CAMK1D: variants seen among roughly 807,000 people sequenced by gnomAD.
CAMK1D encodes calcium/calmodulin dependent protein kinase ID, also known as calcium/calmodulin-dependent protein kinase type 1D.
CAMK1D carries 9 observed loss-of-function variants against 47.7 expected under a neutral mutation model. The observed-to-expected ratio is 0.19, with a 90% confidence interval of 0.11 to 0.33. The LOEUF (loss-of-function observed/expected upper bound fraction) is 0.33, where lower values mean the gene tolerates loss of function less well. CAMK1D is among the 10% of genes least tolerant of loss of function. The pLI, the probability that CAMK1D is intolerant of heterozygous loss-of-function variation, is 1.00. For missense variants in CAMK1D, 291 were observed against 488.7 expected, an observed-to-expected ratio of 0.60 and a Z score of 3.81; for synonymous variants, 184 against 184.9, an observed-to-expected ratio of 0.99 and a Z score of 0.04.
chr10:12,353,156 G>T (rs1185336389), intron 1 of CAMK1D, among the ~76,000 whole-genome samples: 1 of 152,192 alleles, frequency 6.6e-6, no homozygotes, highest in Non-Finnish European at 1.5e-5. Context: ...CTTCAGTGGG[G>T]ATTTTGAGTC....
intron 1 of CAMK1D, among the ~76,000 whole-genome samples, chr10:12,410,830 T>A (rs187921450): frequency 1.7e-4 from 26 of 152,322 alleles, no homozygotes; most frequent in Middle Eastern, 3.4e-3. Context: ...TGAAAGATAT[T>A]CTTCACTCTG....
chr10:12,790,596 A>G (rs569687844), intron 5 of CAMK1D, among the ~76,000 whole-genome samples: 4 of 134,430 alleles, frequency 3.0e-5, no homozygotes, highest in East Asian at 2.6e-4. Flanking sequence ...GTAATCTCAC[A>G]TCTCACACAC....
intron 7 of CAMK1D, among the ~76,000 whole-genome samples, chr10:12,815,360 G>A (rs1017176100): frequency 3.3e-5 from 5 of 152,218 alleles, no homozygotes; most frequent in African/African-American, 1.2e-4. Flanking sequence ...GGGACAATGC[G>A]TTCTAGTCTC....
At chr10:12,805,391 C>T (rs1191248698) in intron 6 of CAMK1D, among the ~76,000 whole-genome samples, 6 of 115,686 alleles carry the variant, frequency 5.2e-5, no homozygotes, top group Non-Finnish European at 1.1e-4. Flanking sequence ...TTTTTTTAAA[C>T]ACAGAGTTTT....
chr10:12,803,317 A>G (rs966365797), intron 6 of CAMK1D, among the ~76,000 whole-genome samples: 1 of 152,220 alleles, frequency 6.6e-6, no homozygotes, highest in Non-Finnish European at 1.5e-5. Flanking sequence ...CCTGAGGGGC[A>G]AGACCTGGGT....
Position 12,442,308 on chromosome 10 carries a change from C to T in CAMK1D, c.92+92398C>T, listed in dbSNP as rs192360756. Among the ~76,000 whole-genome samples, 251 of 152,256 alleles carry T rather than the reference C, an allele frequency of 1.6e-3. 1 individual carries two copies. The highest frequency in any genetic ancestry group is 5.8e-3 in the African/African-American group (241 of 41,552). On this transcript the variant is annotated intron_variant, in intron 1 of 10. Coordinates refer to ENST00000619168, the MANE Select transcript of CAMK1D (RefSeq NM_153498.4). ...CATCCTGGCTAACATGGTGAAACCT[C>T]GTCTCTACTAAAAATACAAAAAATT... is the stretch of plus-strand genomic sequence containing the variant.
intron 1 of CAMK1D, among the ~76,000 whole-genome samples, chr10:12,459,561 C>A (rs1833363143): frequency 6.6e-6 from 1 of 152,036 alleles, no homozygotes. Context: ...TTCCATATGT[C>A]TTCATGACAG....
chr10:12,611,840 G>A (rs1385740922), intron 2 of CAMK1D, among the ~76,000 whole-genome samples: 10 of 151,998 alleles, frequency 6.6e-5, no homozygotes, highest in Admixed American at 5.2e-4. Flanking sequence ...CGATCTACCC[G>A]CCTCGGCCTC....
At chr10:12,432,831 A>G (rs955137330) in intron 1 of CAMK1D, among the ~76,000 whole-genome samples, 14 of 152,252 alleles carry the variant, frequency 9.2e-5, no homozygotes, top group African/African-American at 3.1e-4. Flanking sequence ...TCTGTGCTGG[A>G]CACTCTCGAA....
At chr10:12,648,196 G>A (rs1336449388) in intron 2 of CAMK1D, among the ~76,000 whole-genome samples, 1 of 152,184 alleles carries the variant, frequency 6.6e-6, no homozygotes, top group Non-Finnish European at 1.5e-5. Context: ...AACCAGCTAA[G>A]AGTTCGTGGG....
At chr10:12,624,352 A>G (rs1839139075) in intron 2 of CAMK1D, among the ~76,000 whole-genome samples, 1 of 152,136 alleles carries the variant, frequency 6.6e-6, no homozygotes, top group African/African-American at 2.4e-5. Context: ...TCTAGAACTT[A>G]TTCATCTCGC....
At chr10:12,534,365 A>T (rs1835903459) in intron 1 of CAMK1D, among the ~76,000 whole-genome samples, 1 of 152,082 alleles carries the variant, frequency 6.6e-6, no homozygotes, top group Non-Finnish European at 1.5e-5. Context: ...ACCCACCACC[A>T]GACCCAGCTA....
chr10:12,433,926 G>A (rs2131996014), intron 1 of CAMK1D, among the ~76,000 whole-genome samples: 1 of 152,276 alleles, frequency 6.6e-6, no homozygotes. Context: ...GGATTTAGTT[G>A]CATCTACAAG....
At chr10:12,731,370 C>T (rs537321649) in intron 3 of CAMK1D, among the ~76,000 whole-genome samples, 1 of 152,314 alleles carries the variant, frequency 6.6e-6, no homozygotes, top group East Asian at 1.9e-4. Context: ...GCCAAGTCAT[C>T]TGCTGAGAAT....
chr10:12,729,624 G>C (rs1834804316), intron 3 of CAMK1D, among the ~76,000 whole-genome samples: 2 of 152,068 alleles, frequency 1.3e-5, no homozygotes, highest in South Asian at 4.2e-4. Context: ...ATGAGACCCT[G>C]TCTCAAAAAA....
At chr10:12,629,353 C>T (rs1040832010) in intron 2 of CAMK1D, among the ~76,000 whole-genome samples, 11 of 152,080 alleles carry the variant, frequency 7.2e-5, no homozygotes, top group African/African-American at 1.7e-4. Context: ...ACTTTGCACT[C>T]GATGTAGTAA....
chr10:12,396,897 G>T (rs1047806500), intron 1 of CAMK1D, among the ~76,000 whole-genome samples: 1 of 152,196 alleles, frequency 6.6e-6, no homozygotes, highest in African/African-American at 2.4e-5. Flanking sequence ...TGAATGAGGG[G>T]CCCAGGAAGA....
chr10:12,409,123 C>G (rs754006758), intron 1 of CAMK1D, among the ~76,000 whole-genome samples: 3 of 152,130 alleles, frequency 2.0e-5, no homozygotes, highest in Non-Finnish European at 4.4e-5. Context: ...TCCCAAAGTG[C>G]TGGTATTACA....
At chr10:12,417,570 C>A (rs1296227537) in intron 1 of CAMK1D, among the ~76,000 whole-genome samples, 3 of 152,118 alleles carry the variant, frequency 2.0e-5, no homozygotes, top group African/African-American at 7.2e-5. Flanking sequence ...TGGCCCTGGG[C>A]TGTTGGCCTG....
Sources: gnomAD v4.1 joint callset for allele counts (sites outside exome capture counted in the v4.1 genomes callset) on GRCh38, gnomAD v4.1.1 for gene constraint, MANE v1.5 for transcripts, NCBI Gene and HGNC (gene_info 2026-07-23, HGNC 2026-07-21) for gene names.